The following INVS variants were observed in gnomAD, a reference collection of about 807,000 sequenced individuals.
The protein encoded by INVS is inversin, also known as inversion of embryo turning homolog.
Under a neutral mutation model 108.8 loss-of-function variants are expected in INVS, and 86 were observed. The observed-to-expected ratio is 0.79, with a 90% CI of 0.66 to 0.95. INVS has a LOEUF of 0.95. Ranked by LOEUF, INVS falls within the 40% of genes least tolerant of loss-of-function variation. The pLI is 0.00. For missense variants in INVS, 1,169 were observed against 1,297.4 expected, an observed-to-expected ratio of 0.90 and a Z score of 1.52; for synonymous variants, 455 against 473.5, an observed-to-expected ratio of 0.96 and a Z score of 0.51.
chr9:100,221,330 G>A (rs982796099), intron 3 of INVS, among the ~76,000 whole-genome samples: 1 of 150,472 alleles, frequency 6.6e-6, no homozygotes, highest in Admixed American at 6.6e-5. Flanking sequence ...TTGAGACAGG[G>A]TCTTCTCTGA....
chr9:100,175,042 CTT>C (rs2119051507), intron 3 of INVS: 1 of 196,366 alleles, frequency 5.1e-6, no homozygotes, highest in African/African-American at 2.4e-5. Context: ...GGAGAACTCA[CTT>C]CATCCCAACT....
intron 10 of INVS, among the ~76,000 whole-genome samples, chr9:100,256,470 G>C (rs892926102): frequency 6.6e-6 from 1 of 151,938 alleles, no homozygotes; most frequent in Non-Finnish European, 1.5e-5. Context: ...TTTGAATGTG[G>C]TTGCTCTTGC....
chr9:100,234,348 T>C (rs1831611397), intron 5 of INVS, among the ~76,000 whole-genome samples: 1 of 152,202 alleles, frequency 6.6e-6, no homozygotes. Context: ...GAAGGATTTC[T>C]CATGTTTCTG....
rs550221787 is a variant in INVS at position 100,266,977 on chromosome 9, C to T, written c.1571+2049C>T. ...CTTTACCACTTCTTTCAGAAACTTC[C>T]CTCATTAGAGGGAGAGCTGAAGATG... is the stretch of plus-strand genomic sequence containing the variant. On this transcript the variant is annotated intron_variant, in intron 11 of 16. Coordinates refer to ENST00000262457, the MANE Select transcript of INVS (RefSeq NM_014425.5). Among the ~76,000 whole-genome samples, 4 of 147,532 alleles carry T rather than the reference C, an allele frequency of 2.7e-5. No homozygotes were observed. In the South Asian group the frequency reaches 8.6e-4, roughly 32 times the overall value.
chr9:100,275,867 G>A (rs1833095791), intron 12 of INVS, among the ~76,000 whole-genome samples: 1 of 152,164 alleles, frequency 6.6e-6, no homozygotes, highest in African/African-American at 2.4e-5. Flanking sequence ...AATTCACACT[G>A]CACTGCCTAT....
In INVS at chr9:100,136,873, C is replaced by G. The variant is rs571930216; in HGVS notation, c.273+10324C>G. On this transcript the variant is annotated intron_variant, in intron 3 of 16. Transcript: ENST00000262457. ...TGGCCAACATGGTGAAACCCCATCT[C>G]TAATAAAAATACAAAAATTAGCCAG... 8.3e-4 allele frequency among the ~76,000 whole-genome samples: 126 copies of G among 152,188 alleles called. 2 individuals are homozygous for G. The highest frequency in any genetic ancestry group is 3.0e-3 in the African/African-American group (124 of 41,526).
chr9:100,233,131 G>A (rs10989026), intron 5 of INVS, among the ~76,000 whole-genome samples: 26,080 of 151,946 alleles, frequency 0.17, 3,334 homozygotes, highest in African/African-American at 0.37. Flanking sequence ...TCTCTTTGTA[G>A]CAATTGTGAA....
At chr9:100,170,031 T>G (rs1829487331) in intron 3 of INVS, among the ~76,000 whole-genome samples, 2 of 152,246 alleles carry the variant, frequency 1.3e-5, no homozygotes, top group African/African-American at 2.4e-5. Flanking sequence ...TTTACTCACT[T>G]GTGTAATCCA....
chr9:100,239,984 GA>G (rs1366872337), intron 5 of INVS, 75 bp from the exon 6 acceptor site: 16 of 1,383,822 alleles, frequency 1.2e-5, no homozygotes, highest in Non-Finnish European at 8.2e-6. Flanking sequence ...AAGAAAGAAA[GA>G]AAAAAATACT....
Position 100,126,518 on chromosome 9 carries a change from A to G in INVS, c.242A>G (p.Gln81Arg). Residue 81 changes from glutamine (Q) to arginine (R), a missense_variant, in exon 3 of 17, where the codon CAG becomes CGG. Transcript: ENST00000262457. ...GADVNKTDHS[Q>R]RTALHLAAQK... is the part of the protein sequence containing the mutation. Reference sequence around the variant, plus strand: ...GATGTGAATAAAACTGACCATAGCCAGAGAACAGCCCTCCATCTTGCAGCC... The same window carrying G: ...GATGTGAATAAAACTGACCATAGCCGGAGAACAGCCCTCCATCTTGCAGCC... The G allele has an allele frequency of 6.2e-7, 1 of 1,614,218 alleles. No individual in the cohort carries two copies. The highest frequency in any genetic ancestry group is 8.5e-7 in the Non-Finnish European group (1 of 1,180,034).
At chr9:100,191,865 T>A (rs181387984) in intron 3 of INVS, among the ~76,000 whole-genome samples, 59 of 152,326 alleles carry the variant, frequency 3.9e-4, no homozygotes, top group African/African-American at 1.4e-3. Flanking sequence ...TTAATTTTTT[T>A]ATTCCCCCTT....
At chr9:100,291,285 A>G (rs776598178) in intron 13 of INVS, among the ~76,000 whole-genome samples, 5 of 152,088 alleles carry the variant, frequency 3.3e-5, no homozygotes, top group Non-Finnish European at 5.9e-5. Context: ...GCTGGTCTCA[A>G]ACTCCTGACC....
intron 10 of INVS, among the ~76,000 whole-genome samples, chr9:100,259,557 C>CG (rs1554727488): frequency 7.5e-6 from 1 of 132,994 alleles, no homozygotes; most frequent in Non-Finnish European, 1.6e-5. Context: ...GAACTGGGGC[C>CG]TTTTTTTTTT....
At chr9:100,298,368 C>T (rs1275681958) in intron 16 of INVS, 2 of 971,704 alleles carry the variant, frequency 2.1e-6, no homozygotes, top group Non-Finnish European at 1.2e-6. Flanking sequence ...CCCCTATTTC[C>T]TTCTCCAAGA....
At chr9:100,118,722 A>G (rs1208235311) in intron 2 of INVS, among the ~76,000 whole-genome samples, 1 of 151,730 alleles carries the variant, frequency 6.6e-6, no homozygotes, top group Admixed American at 6.6e-5. Flanking sequence ...GTGCAGTGGC[A>G]TGATCTCGGC....
In INVS at chr9:100,175,551, C is replaced by G. The variant is rs1829684393; in HGVS notation, c.273+49002C>G. 3 of 730,294 alleles carry G rather than the reference C, an allele frequency of 4.1e-6. No individual in the cohort carries two copies. In the South Asian group the frequency reaches 4.3e-5, roughly 10 times the overall value. 45.2% of individuals were successfully genotyped at this position (730,294 alleles called of 1,614,324 possible). Reference sequence around the variant, plus strand: ...CAGCATCCTGAATCTTAGCTACAAACAGGTTAAGACTTGGTTCCAGAACCA... The same window carrying G: ...CAGCATCCTGAATCTTAGCTACAAAGAGGTTAAGACTTGGTTCCAGAACCA... On this transcript the variant is annotated intron_variant, in intron 3 of 16. Coordinates refer to ENST00000262457, the MANE Select transcript of INVS (RefSeq NM_014425.5).
chr9:100,290,383 CT>C (rs1833574385), intron 13 of INVS, among the ~76,000 whole-genome samples: 1 of 152,164 alleles, frequency 6.6e-6, no homozygotes. Flanking sequence ...GAGTTTCGCT[CT>C]TGTCGCCTAG....
chr9:100,231,563 T>A (rs1334151249), intron 5 of INVS, among the ~76,000 whole-genome samples: 1 of 146,194 alleles, frequency 6.8e-6, no homozygotes, highest in African/African-American at 2.5e-5. Context: ...TGTGTCCATG[T>A]GTTCTCATTG....
intron 1 of INVS, among the ~76,000 whole-genome samples, chr9:100,099,906 C>T (rs551530083): frequency 4.3e-4 from 65 of 152,274 alleles, no homozygotes; most frequent in Admixed American, 3.0e-3. Flanking sequence ...TCTCCCTGCT[C>T]CCGCCTTTGC....
Sources: gnomAD v4.1 joint callset for allele counts (sites outside exome capture counted in the v4.1 genomes callset) on GRCh38, gnomAD v4.1.1 for gene constraint, MANE v1.5 for transcripts, NCBI Gene and HGNC (gene_info 2026-07-23, HGNC 2026-07-21) for gene names.